The following PPARGC1A variants were observed in gnomAD, a reference collection of about 807,000 sequenced individuals.
PPARGC1A encodes the protein peroxisome proliferator-activated receptor gamma coactivator 1-alpha.
Under a neutral mutation model 88.7 loss-of-function variants are expected in PPARGC1A, and 25 were observed. The observed-to-expected ratio is 0.28, with a 90% CI of 0.21 to 0.39. The LOEUF is 0.39. Among genes scored for constraint, PPARGC1A ranks in the 10% least tolerant of loss-of-function variants. The pLI is 1.00. For synonymous variants in PPARGC1A, 363 were observed against 355.6 expected, an observed-to-expected ratio of 1.02 and a Z score of -0.24; for missense variants, 880 against 968.7, an observed-to-expected ratio of 0.91 and a Z score of 1.22.
At chr4:24,013,271 C>G in the PPARGC1A span, among the ~76,000 whole-genome samples, 4 of 151,928 alleles carry the variant, frequency 2.6e-5, no homozygotes, top group Non-Finnish European at 5.9e-5. Flanking sequence ...AAAATTCTAC[C>G]CAATTTCAAA....
At chr4:23,801,145 C>A (rs887300248) in intron 12 of PPARGC1A, among the ~76,000 whole-genome samples, 2 of 151,666 alleles carry the variant, frequency 1.3e-5, no homozygotes, top group Admixed American at 1.3e-4. Context: ...TGCTATGGTT[C>A]GTGAAAGGAT....
chr4:24,303,514 A>G, the PPARGC1A span, among the ~76,000 whole-genome samples: 1 of 152,198 alleles, frequency 6.6e-6, no homozygotes, highest in Non-Finnish European at 1.5e-5. Flanking sequence ...ACAAATCAAA[A>G]TTGTGTTATG....
chr4:23,969,712 C>G, the PPARGC1A span, among the ~76,000 whole-genome samples: 1 of 152,176 alleles, frequency 6.6e-6, no homozygotes, highest in African/African-American at 2.4e-5. Context: ...AGCCCCAGTC[C>G]TAGACCTCTG....
rs189172059 is a variant in PPARGC1A, at chr4:23,855,204, A to G, written c.235-23453T>C. ...GCCTCCCCAGCCATATGGAGCTGTG[A>G]GTCCATTAAACCTCTTTTTCTTTGT... On this transcript the variant is annotated intron_variant, in intron 2 of 12. Coordinates refer to ENST00000264867, the MANE Select transcript of PPARGC1A (RefSeq NM_013261.5). 2.5e-4 allele frequency among the ~76,000 whole-genome samples: 38 copies of G among 152,266 alleles called. 1 individual carries two copies. The Middle Eastern group carries it at 0.017, about 68-fold the overall frequency.
At chr4:24,243,885 A>G in the PPARGC1A span, among the ~76,000 whole-genome samples, 3 of 152,176 alleles carry the variant, frequency 2.0e-5, no homozygotes, top group South Asian at 4.2e-4. Context: ...AACATTTGTC[A>G]CCCTCATTCC....
At chr4:24,452,846 T>C in the PPARGC1A span, among the ~76,000 whole-genome samples, 1 of 152,202 alleles carries the variant, frequency 6.6e-6, no homozygotes, top group South Asian at 2.1e-4. Flanking sequence ...ACTCTATTAC[T>C]ATAATAATGA....
the PPARGC1A span, among the ~76,000 whole-genome samples, chr4:24,101,903 G>A: frequency 6.7e-6 from 1 of 149,778 alleles, no homozygotes; most frequent in Non-Finnish European, 1.5e-5. Flanking sequence ...ACACATCCAC[G>A]CCCTCATGGT....
At chr4:23,983,140 C>T in the PPARGC1A span, among the ~76,000 whole-genome samples, 1 of 152,060 alleles carries the variant, frequency 6.6e-6, no homozygotes, top group Non-Finnish European at 1.5e-5. Context: ...TTCTGTAGGT[C>T]ACATATGTTC....
chr4:24,065,080 C>A, the PPARGC1A span, among the ~76,000 whole-genome samples: 359 of 152,292 alleles, frequency 2.4e-3, 3 homozygotes, highest in African/African-American at 8.3e-3. Context: ...ATGGAGAAGA[C>A]ACCATAGGGT....
the PPARGC1A span, among the ~76,000 whole-genome samples, chr4:24,374,200 A>G: frequency 2.0e-5 from 3 of 152,186 alleles, no homozygotes; most frequent in African/African-American, 7.2e-5. Flanking sequence ...AAAAGCCTCC[A>G]TTTCATTGAC....
the PPARGC1A span, among the ~76,000 whole-genome samples, chr4:24,039,844 G>GCCA: frequency 6.6e-6 from 1 of 152,088 alleles, no homozygotes; most frequent in Non-Finnish European, 1.5e-5. Flanking sequence ...AGCCACTGCT[G>GCCA]CCACCACCAC....
chr4:24,385,174 A>G, the PPARGC1A span, among the ~76,000 whole-genome samples: 1 of 152,162 alleles, frequency 6.6e-6, no homozygotes, highest in Non-Finnish European at 1.5e-5. Flanking sequence ...GGAAGAAATA[A>G]ATACGTTATT....
the PPARGC1A span, among the ~76,000 whole-genome samples, chr4:24,056,606 G>T: frequency 1.3e-5 from 2 of 152,130 alleles, no homozygotes; most frequent in African/African-American, 4.8e-5. Context: ...TGGCTCTAGA[G>T]TCAGATAGAC....
chr4:24,348,828 G>C, the PPARGC1A span, among the ~76,000 whole-genome samples: 3 of 152,044 alleles, frequency 2.0e-5, no homozygotes, highest in African/African-American at 7.2e-5. Flanking sequence ...ATTTCTTCTT[G>C]GTTTGGATCT....
At chr4:24,396,849 T>C in the PPARGC1A span, among the ~76,000 whole-genome samples, 1 of 152,102 alleles carries the variant, frequency 6.6e-6, no homozygotes, top group Admixed American at 6.6e-5. Context: ...GTCTATAGAC[T>C]CAAACAGAAC....
chr4:23,896,677 C>A (rs970802879), intron 1 of PPARGC1A, among the ~76,000 whole-genome samples: 5 of 152,238 alleles, frequency 3.3e-5, no homozygotes, highest in African/African-American at 1.2e-4. Context: ...ATTGTAAAGT[C>A]AATTTTCTCT....
the PPARGC1A span, among the ~76,000 whole-genome samples, chr4:24,236,838 CAA>C: frequency 9.9e-5 from 15 of 152,152 alleles, no homozygotes; most frequent in Admixed American, 7.2e-4. Flanking sequence ...TTAAAAGTTA[CAA>C]AAGTCTGTCT....
chr4:23,924,022 C>A, the PPARGC1A span, among the ~76,000 whole-genome samples: 321 of 152,138 alleles, frequency 2.1e-3, 3 homozygotes, highest in East Asian at 0.053. Flanking sequence ...GGGGCAATTC[C>A]ATTTCCATGC....
chr4:23,811,889 CTTTTTTTTTTTTTTTTTTTTTTTTTTT>C (rs71196134), intron 10 of PPARGC1A, among the ~76,000 whole-genome samples: 18 of 59,086 alleles, frequency 3.0e-4, no homozygotes, highest in East Asian at 6.6e-4. Context: ...GAAGAAATGA[CTTTTTTTTTTTTTTTTTTTTTTTTTTT>C]TTTTTTTTTT....
Sources: gnomAD v4.1 joint callset for allele counts (sites outside exome capture counted in the v4.1 genomes callset) on GRCh38, gnomAD v4.1.1 for gene constraint, MANE v1.5 for transcripts, NCBI Gene and HGNC (gene_info 2026-07-23, HGNC 2026-07-21) for gene names.